PLXNB1: variants seen among roughly 807,000 people sequenced by gnomAD.
PLXNB1 encodes the protein plexin-B1.
Under a neutral mutation model 209.4 loss-of-function variants are expected in PLXNB1, and 106 were observed. The ratio of observed to expected loss-of-function variants is 0.51; its 90% CI spans 0.43 to 0.59. The LOEUF is 0.59. PLXNB1 is among the 20% of genes least tolerant of loss of function. The pLI, the probability that PLXNB1 is intolerant of heterozygous loss-of-function variation, is 0.00. For synonymous variants in PLXNB1, 1,167 were observed against 1,183.2 expected (o/e 0.99, Z 0.28); for missense variants, 2,357 against 2,853.2 (o/e 0.83, Z 3.96).
In PLXNB1 at chr3:48,419,588, G is replaced by A. The variant is rs768961397; in HGVS notation, c.2698C>T (p.Leu900Phe). ...GGGCTGGGCCTCACCAGCTCCCAGA[G>A]CCCGGGGGTGTCATACTGGTAGTCG... ...SLDYQYDTPG[L>F]WELEEATLGA... The change falls in exon 11 of 38, where the codon CTC (leucine) becomes TTC (phenylalanine). Residue 900 changes from leucine (L) to phenylalanine (F), a missense_variant. Coordinates refer to ENST00000296440, the MANE Select transcript of PLXNB1 (RefSeq NM_001130082.3). The surrounding 1 kb of genome is among the most constrained non-coding windows in gnomAD (Gnocchi z 5.7). The A allele has an allele frequency of 1.2e-6, 2 of 1,607,358 alleles. No individual in the cohort carries two copies. The highest frequency in any genetic ancestry group is 1.1e-5 in the South Asian group (1 of 90,948).
rs944235442 is a variant in PLXNB1 at position 48,429,268 on chromosome 3, C to T, written c.-60+740G>A. On this transcript the variant is annotated intron_variant, in intron 1 of 37. Transcript: ENST00000296440. The surrounding 1 kb of genome is among the most constrained non-coding windows in gnomAD (Gnocchi z 6.4). ...CCGCACTCACCACCCGGCCGGGCCCCGCGGGATGTGCGCGCCGAGGCGGGC... is the reference window on the plus strand; with the variant it reads ...CCGCACTCACCACCCGGCCGGGCCCTGCGGGATGTGCGCGCCGAGGCGGGC... 9 of 151,804 alleles carry T rather than the reference C, an allele frequency of 5.9e-5. No individual in the cohort carries two copies. The highest frequency in any genetic ancestry group is 1.7e-4 in the African/African-American group (7 of 41,400). The allele number at this position is 151,804 out of a possible 1,614,324, so 9.4% of individuals were successfully genotyped here.
rs760754580 is a variant in PLXNB1 at position 48,423,602 on chromosome 3, C to T, written c.1010G>A (p.Arg337Gln). 5.0e-6 allele frequency: 8 copies of T among 1,614,228 alleles called. No homozygotes were observed. The East Asian group carries it at 1.3e-4, about 27-fold the overall frequency. ...ACCCTCCCGGGTGTAGCAGGCATCT[C>T]GCGTGCGATTAGCAAGCCGGTCCAC... ...DEVDRLANRT[R>Q]DACYTREGRA... Residue 337 changes from arginine (R) to glutamine (Q), a missense_variant, in exon 3 of 38, where the codon CGA becomes CAA. Arg to Gln is a conservative substitution (Grantham distance 43). Coordinates refer to ENST00000296440, the MANE Select transcript of PLXNB1 (RefSeq NM_001130082.3).
rs1195435749 is a variant in PLXNB1, at chr3:48,415,070, G to A, written c.3967-29C>T. On this transcript the variant is annotated intron_variant, in intron 20 of 37. Coordinates refer to ENST00000296440, the MANE Select transcript of PLXNB1 (RefSeq NM_001130082.3). This position sits in a 1 kb window ranked among gnomAD's most constrained non-coding sequence, Gnocchi z 5.0. ...GAAGGAAGACAGGCAGGTTGACGAG[G>A]GGCCAAGCAAAGATGGGAAGAGCCT... 6 of 1,610,036 alleles carry A rather than the reference G, an allele frequency of 3.7e-6. No individual in the cohort carries two copies. The highest frequency in any genetic ancestry group is 4.5e-5 in the East Asian group (2 of 44,806).
chr3:48,419,520 G>A lies in PLXNB1; in HGVS notation c.2709+57C>T, dbSNP rs374562326. On this transcript the variant is annotated intron_variant, in intron 11 of 37. Coordinates refer to ENST00000296440, the MANE Select transcript of PLXNB1 (RefSeq NM_001130082.3). The surrounding 1 kb of genome is among the most constrained non-coding windows in gnomAD (Gnocchi z 5.7). ...GTGCAGAATCACAAGGCAAGCTAGG[G>A]GTAGCATCTTCCCCACATCCCCTCC... is the stretch of plus-strand genomic sequence containing the variant. 85 of 1,539,778 alleles carry A rather than the reference G, an allele frequency of 5.5e-5. No individual in the cohort carries two copies. Among genetic ancestry groups the A allele is most frequent in the East Asian group, 5.0e-4 (22 of 43,916 alleles).
In PLXNB1 at chr3:48,405,640, A is replaced by G; in HGVS notation, c.6303+84T>C. The G allele has an allele frequency of 1.9e-6, 2 of 1,080,736 alleles. No individual in the cohort carries two copies. The highest frequency in any genetic ancestry group is 3.9e-5 in the Admixed American group (2 of 50,698). 66.9% of individuals were successfully genotyped at this position (1,080,736 alleles called of 1,614,324 possible). ...GTCCCTGGGGAAGACCAAAGCCCCC[A>G]ACGTGAGTCACAGGGTCAGAGCCCC... On this transcript the variant is annotated intron_variant, in intron 37 of 37. Transcript: ENST00000296440. This position sits in a 1 kb window ranked among gnomAD's most constrained non-coding sequence, Gnocchi z 5.0.
Position 48,405,869 on chromosome 3 carries a change from C to A in PLXNB1, c.6229-71G>T. The A allele has an allele frequency of 7.9e-7, 1 of 1,262,036 alleles. No homozygotes were observed. The highest frequency in any genetic ancestry group is 2.1e-4 in the Middle Eastern group (1 of 4,664). The allele number at this position is 1,262,036 out of a possible 1,614,324, so 78.2% of individuals were successfully genotyped here. On this transcript the variant is annotated intron_variant, in intron 36 of 37. Coordinates refer to ENST00000296440, the MANE Select transcript of PLXNB1 (RefSeq NM_001130082.3). This position sits in a 1 kb window ranked among gnomAD's most constrained non-coding sequence, Gnocchi z 5.0. ...AGAGCCACAGGAGGCAGCCCAGGAC[C>A]CCAGGGAAGGGCTGGGGGAGAAGGG...
Position 48,417,905 on chromosome 3 carries a change from G to A in PLXNB1, c.3374+6C>T, listed in dbSNP as rs376757078. ...GCCGTGCTCCTGCTGGGTGCAGCCA[G>A]CTTACCTGCTGGAGACCTCGTACTC... On this transcript the variant is annotated splice_donor_region_variant and intron_variant, in intron 16 of 37. Transcript: ENST00000296440. The surrounding 1 kb of genome is among the most constrained non-coding windows in gnomAD (Gnocchi z 4.4). 17 of 1,605,742 alleles carry A rather than the reference G, an allele frequency of 1.1e-5. No homozygotes were observed. Among genetic ancestry groups the A allele is most frequent in the Admixed American group, 1.7e-5 (1 of 59,680 alleles).
In PLXNB1 at chr3:48,414,892, G is replaced by A. The variant is rs1178363688; in HGVS notation, c.4116C>T (p.Phe1372=). 3.7e-6 allele frequency: 6 copies of A among 1,614,076 alleles called. No homozygotes were observed. In the East Asian group the frequency reaches 6.7e-5, roughly 18 times the overall value. Residue 1372 remains phenylalanine, a synonymous_variant, in exon 21 of 38, where the codon TTC becomes TTT. Transcript: ENST00000296440. The part of the protein sequence containing the change: ...FDFATLNPTP[F]SYEADPTLQP... ...GCAGGGTGGGGTCGGCCTCATAGGA[G>A]AAAGGTGTGGGGTTCAGTGTTGCAA...
chr3:48,423,446 G>T, intron 3 of PLXNB1, 59 bp downstream of exon 3: 2 of 1,568,176 alleles, frequency 1.3e-6, no homozygotes, highest in Non-Finnish European at 1.7e-6. Flanking sequence ...CTCCTTGGCT[G>T]CAAATGCTTG....
chr3:48,424,793 CACACTAGAACAAGGTCAGAAATAGG>C (rs2038797377), intron 2 of PLXNB1, among the ~76,000 whole-genome samples, 176 bp from the exon 3 acceptor site: 1 of 152,146 alleles, frequency 6.6e-6, no homozygotes, highest in African/African-American at 2.4e-5. Flanking sequence ...CCCAGGACCA[CACACTAGAACAAGGTCAGAAATAGG>C]AGACACTTCC....
chr3:48,414,977 C>A lies in PLXNB1; in HGVS notation c.4031G>T (p.Gly1344Val). 1.9e-6 allele frequency: 3 copies of A among 1,613,768 alleles called. No homozygotes were observed. The highest frequency in any genetic ancestry group is 2.5e-6 in the Non-Finnish European group (3 of 1,180,038). The stretch of plus-strand genomic sequence containing the variant: ...CCGGACCCAGGGGTCCTCAGGCAGG[C>A]CTGGGAGGGCAGGTGTGCGGCACGT... ...LITCRTPALP[G>V]LPEDPWVRVE... is the part of the protein sequence containing the mutation. Residue 1344 changes from glycine to valine, a missense_variant, in exon 21 of 38, where the codon GGC becomes GTC. Physicochemically the swap from Gly to Val is moderately radical, Grantham distance 109. This residue lies in a region of PLXNB1 where 743 missense variants were observed against 896.2 expected (regional missense o/e 0.83). Transcript: ENST00000296440.
rs748024355 is a variant in PLXNB1, at chr3:48,416,212, T to C, written c.3481-45A>G. The C allele has an allele frequency of 1.0e-5, 16 of 1,563,684 alleles. No individual in the cohort carries two copies. The highest frequency in any genetic ancestry group is 3.5e-4 in the Middle Eastern group (2 of 5,636). ...AGAGATGAGCATCAGACCAGACACA[T>C]GGAGGCAGGGACAGCCTGAGAGACA... On this transcript the variant is annotated intron_variant, in intron 17 of 37. Transcript: ENST00000296440. This position sits in a 1 kb window ranked among gnomAD's most constrained non-coding sequence, Gnocchi z 4.1.
Position 48,414,012 on chromosome 3 carries a change from G to C in PLXNB1, c.4269C>G (p.Gly1423=), listed in dbSNP as rs779439745. 6.2e-7 allele frequency: 1 copy of C among 1,613,954 alleles called. No individual in the cohort carries two copies. Among genetic ancestry groups the C allele is most frequent in the Admixed American group, 1.7e-5 (1 of 60,010 alleles). Residue 1423 remains glycine (G), a synonymous_variant, in exon 22 of 38, where the codon GGC becomes GGG. Coordinates refer to ENST00000296440, the MANE Select transcript of PLXNB1 (RefSeq NM_001130082.3). ...KEEVVAMIGD[G]PCVVKTLTRH... is the part of the protein sequence containing the mutation. Reference sequence around the variant, plus strand: ...GCGTCAGCGTCTTCACCACACAGGGGCCATCCCCTATCATAGCCACCACCT... The same window carrying C: ...GCGTCAGCGTCTTCACCACACAGGGCCCATCCCCTATCATAGCCACCACCT...
chr3:48,412,940 G>A lies in PLXNB1; in HGVS notation c.4656C>T (p.Thr1552=), dbSNP rs145660723. The A allele has an allele frequency of 2.3e-5, 37 of 1,613,902 alleles. No individual in the cohort carries two copies. In the African/African-American group the frequency reaches 3.7e-4, roughly 16 times the overall value. ...KEFTDLMTEM[T]DLTSDLLGSG... is the part of the protein sequence containing the mutation. ...TGCCCAGGAGGTCACTGGTGAGATC[G>A]GTCATCTCAGTCATGAGGTCTGTTA... The change falls in exon 25 of 38, where the codon ACC becomes ACT. Residue 1552 remains threonine (T), a synonymous_variant. Coordinates refer to ENST00000296440, the MANE Select transcript of PLXNB1 (RefSeq NM_001130082.3).
At position 48,409,342 on chromosome 3, in the gene PLXNB1, T is replaced by C. The variant is rs1313330688; in HGVS notation, c.6074A>G (p.His2025Arg). ...AGACTCGCTCACCCGGCCCAGCTTG[T>C]GGTCGGCCAGGGTGCAGGCGTCCAT... The part of the protein sequence containing the change: ...TFMDACTLAD[H>R]KLGRDSPINK... Residue 2025 changes from histidine to arginine, a missense_variant, in exon 34 of 38, where the codon CAC becomes CGC. Transcript: ENST00000296440. This position sits in a 1 kb window ranked among gnomAD's most constrained non-coding sequence, Gnocchi z 5.8. The C allele has an allele frequency of 6.2e-7, 1 of 1,614,100 alleles. No individual in the cohort carries two copies. The highest frequency in any genetic ancestry group is 1.7e-5 in the Admixed American group (1 of 60,030).
chr3:48,408,713 C>T (rs1416402108), intron 34 of PLXNB1, among the ~76,000 whole-genome samples: 2 of 152,144 alleles, frequency 1.3e-5, no homozygotes, highest in African/African-American at 4.8e-5. Flanking sequence ...TTGAACAATC[C>T]ATGTCTCTAT....
Position 48,406,749 on chromosome 3 carries a change from G to A in PLXNB1, c.6228+74C>T. ...GGTTCCCAAGGGCTTCCCTGCAAAGGGGCAGTGTGAAGGGGGAAGGACCGT... is the reference window on the plus strand; with the variant it reads ...GGTTCCCAAGGGCTTCCCTGCAAAGAGGCAGTGTGAAGGGGGAAGGACCGT... On this transcript the variant is annotated intron_variant, in intron 36 of 37. Coordinates refer to ENST00000296440, the MANE Select transcript of PLXNB1 (RefSeq NM_001130082.3). This position sits in a 1 kb window ranked among gnomAD's most constrained non-coding sequence, Gnocchi z 4.4. The A allele has an allele frequency of 6.6e-7, 1 of 1,522,024 alleles. No homozygotes were observed. Among genetic ancestry groups the A allele is most frequent in the Non-Finnish European group, 8.9e-7 (1 of 1,129,386 alleles). 94.3% of individuals were successfully genotyped at this position (1,522,024 alleles called of 1,614,324 possible). A position where few individuals can be genotyped will look rare whatever the true frequency, so the allele number is the denominator to read the frequency against.
chr3:48,413,322 G>C lies in PLXNB1; in HGVS notation c.4536-153C>G. On this transcript the variant is annotated intron_variant, in intron 23 of 37. Coordinates refer to ENST00000296440, the MANE Select transcript of PLXNB1 (RefSeq NM_001130082.3). The surrounding 1 kb of genome is among the most constrained non-coding windows in gnomAD (Gnocchi z 5.4). ...AGCCTAGCCCAGTACGATTCAGCCTGTCCCGTCCCAAGCAAGTCACACACA... is the reference window on the plus strand; with the variant it reads ...AGCCTAGCCCAGTACGATTCAGCCTCTCCCGTCCCAAGCAAGTCACACACA... 1.5e-6 allele frequency: 1 copy of C among 662,956 alleles called. No individual in the cohort carries two copies. The highest frequency in any genetic ancestry group is 2.6e-6 in the Non-Finnish European group (1 of 379,698). The allele number at this position is 662,956 out of a possible 1,614,324, so 41.1% of individuals were successfully genotyped here. A position where few individuals can be genotyped will look rare whatever the true frequency, so the allele number is the denominator to read the frequency against.
At chr3:48,407,150 G>A (rs1387514221) in intron 34 of PLXNB1, 59 bp from the exon 35 acceptor site, 12 of 1,469,014 alleles carry the variant, frequency 8.2e-6, no homozygotes, top group African/African-American at 1.4e-5. Flanking sequence ...GTCCCTGTTC[G>A]AGTGATCAAG....
Sources: allele counts gnomAD v4.1 joint callset (sites outside exome capture counted in the v4.1 genomes callset), GRCh38; gene constraint gnomAD v4.1.1; regional missense constraint gnomAD v4.1.1; non-coding constraint Gnocchi (gnomAD v3.1); transcripts MANE v1.5; gene names NCBI Gene and HGNC (gene_info 2026-07-23, HGNC 2026-07-21).